SLC26A7: variants seen among roughly 807,000 people sequenced by gnomAD.
The protein encoded by SLC26A7 is anion exchange transporter.
Under a neutral mutation model 82.5 loss-of-function variants are expected in SLC26A7, and 59 were observed. That is an observed-to-expected ratio of 0.72 (90% CI 0.58 to 0.89). The LOEUF is 0.89. Among genes scored for constraint, SLC26A7 ranks in the 40% least tolerant of loss-of-function variants. SLC26A7 has a pLI of 0.00. For missense variants in SLC26A7, 820 were observed against 793.0 expected (o/e 1.03, Z -0.41); for synonymous variants, 271 against 274.3 (o/e 0.99, Z 0.12).
chr8:91,213,557 C>G (rs1266852607), intron 1 of SLC26A7, among the ~76,000 whole-genome samples: 2 of 152,090 alleles, frequency 1.3e-5, no homozygotes. Flanking sequence ...AGTAGGAGAC[C>G]TAGTCTGTTC....
At chr8:91,234,835 C>A (rs886164851) in intron 2 of SLC26A7, among the ~76,000 whole-genome samples, 80 of 144,080 alleles carry the variant, frequency 5.6e-4, no homozygotes, top group South Asian at 9.2e-4. Context: ...CTACTTCCTT[C>A]CTTCCTTCCT....
At chr8:91,308,009 A>T (rs1812370289) in intron 4 of SLC26A7, among the ~76,000 whole-genome samples, 2 of 152,036 alleles carry the variant, frequency 1.3e-5, no homozygotes, top group South Asian at 4.1e-4. Flanking sequence ...GTTAATTATT[A>T]CCTAATGTCC....
intron 2 of SLC26A7, among the ~76,000 whole-genome samples, chr8:91,272,066 G>T (rs1811288071): frequency 6.6e-6 from 1 of 152,198 alleles, no homozygotes; most frequent in Non-Finnish European, 1.5e-5. Context: ...CTGTTGGGTT[G>T]TTACTGGCCT....
intron 3 of SLC26A7, among the ~76,000 whole-genome samples, chr8:91,290,788 T>C (rs1458161137): frequency 6.6e-6 from 1 of 152,200 alleles, no homozygotes; most frequent in Non-Finnish European, 1.5e-5. Context: ...TTGATACACA[T>C]ATTTTCTGTT....
At chr8:91,229,165 C>G (rs1810279609) in intron 2 of SLC26A7, among the ~76,000 whole-genome samples, 1 of 152,170 alleles carries the variant, frequency 6.6e-6, no homozygotes, top group Admixed American at 6.5e-5. Context: ...GATCACTGTT[C>G]CCTCAGATGT....
At chr8:91,304,059 A>G (rs1314845323) in intron 4 of SLC26A7, among the ~76,000 whole-genome samples, 2 of 152,238 alleles carry the variant, frequency 1.3e-5, no homozygotes, top group Admixed American at 1.3e-4. Context: ...TTCCTTATGT[A>G]CAAAAATAAT....
At chr8:91,334,501 G>C in intron 6 of SLC26A7, 54 bp downstream of exon 6, 1 of 1,509,746 alleles carries the variant, frequency 6.6e-7, no homozygotes, top group Admixed American at 1.9e-5. Context: ...TCCAGTTCTT[G>C]GGGAGATCTG....
intron 2 of SLC26A7, among the ~76,000 whole-genome samples, chr8:91,230,359 C>T (rs1304707738): frequency 4.6e-5 from 7 of 152,136 alleles, no homozygotes. Flanking sequence ...CTTTTCTTAC[C>T]TCTTCTCTGG....
At chr8:91,247,198 T>C (rs1457780666), upstream of SLC26A7, among the ~76,000 whole-genome samples, 2 of 152,202 alleles carry the variant, frequency 1.3e-5, no homozygotes, top group African/African-American at 4.8e-5. Context: ...TTTCTGTTAA[T>C]CCATGTATGA....
At chr8:91,319,468 A>C (rs1812730679) in intron 5 of SLC26A7, among the ~76,000 whole-genome samples, 1 of 152,240 alleles carries the variant, frequency 6.6e-6, no homozygotes. Context: ...AATAAAAAGC[A>C]ATTAGCAACA....
chr8:91,300,185 T>C (rs1024898815), intron 4 of SLC26A7, among the ~76,000 whole-genome samples: 1 of 152,194 alleles, frequency 6.6e-6, no homozygotes, highest in Non-Finnish European at 1.5e-5. Context: ...ATTTTCCTCC[T>C]ACAGGTTTTG....
At chr8:91,246,891 G>C (rs1164382156), upstream of SLC26A7, among the ~76,000 whole-genome samples, 1 of 152,134 alleles carries the variant, frequency 6.6e-6, no homozygotes, top group Non-Finnish European at 1.5e-5. Flanking sequence ...ATTCTGCCTT[G>C]AGTTAGTTAT....
intron 15 of SLC26A7, among the ~76,000 whole-genome samples, chr8:91,376,559 G>A (rs559835099): frequency 9.9e-5 from 15 of 152,246 alleles, no homozygotes; most frequent in Admixed American, 6.5e-4. Context: ...GTGATATATC[G>A]AATGTAAGAG....
intron 4 of SLC26A7, among the ~76,000 whole-genome samples, chr8:91,312,641 CTG>C (rs56386837): frequency 0.17 from 25,514 of 149,446 alleles, 2,212 homozygotes; most frequent in East Asian, 0.33. Context: ...GTAGGTGTGT[CTG>C]TGTGTGTGTG....
intron 14 of SLC26A7, 66 bp from the exon 15 acceptor site, chr8:91,369,719 T>G: frequency 8.4e-7 from 1 of 1,197,590 alleles, no homozygotes; most frequent in Non-Finnish European, 1.2e-6. Context: ...AAGAATTATG[T>G]GATTTTTTTC....
chr8:91,297,083 T>C (rs1812036824), intron 4 of SLC26A7, among the ~76,000 whole-genome samples: 1 of 152,222 alleles, frequency 6.6e-6, no homozygotes, highest in African/African-American at 2.4e-5. Flanking sequence ...ATTGTGTCTG[T>C]TTTCTGTCCC....
chr8:91,379,035 A>G (rs1026576060), intron 15 of SLC26A7, among the ~76,000 whole-genome samples: 1 of 152,026 alleles, frequency 6.6e-6, no homozygotes, highest in Admixed American at 6.6e-5. Flanking sequence ...GAGAAAATAC[A>G]TAAAAGCTAC....
intron 4 of SLC26A7, among the ~76,000 whole-genome samples, chr8:91,317,411 A>G (rs1305671367): frequency 6.6e-6 from 1 of 152,228 alleles, no homozygotes; most frequent in Admixed American, 6.5e-5. Context: ...TGCCACATAT[A>G]CAAATAAGTC....
At position 91,334,410 on chromosome 8, in the gene SLC26A7, G is replaced by T; in HGVS notation, c.758G>T (p.Arg253Met). The T allele has an allele frequency of 1.2e-6, 2 of 1,612,928 alleles. No homozygotes were observed. Among genetic ancestry groups the T allele is most frequent in the Non-Finnish European group, 1.7e-6 (2 of 1,179,418 alleles). ...LVKELNEQFK[R>M]KIKVVLPVDL... The stretch of plus-strand genomic sequence containing the variant: ...AAAGAGCTGAATGAACAGTTTAAAA[G>T]GAAAATTAAAGTTGTTCTTCCTGTA... Residue 253 changes from arginine (R) to methionine (M), a missense_variant, in exon 6 of 19, where the codon AGG becomes ATG. Transcript: ENST00000276609.
Sources: gnomAD v4.1 joint callset for allele counts (sites outside exome capture counted in the v4.1 genomes callset) on GRCh38, gnomAD v4.1.1 for gene constraint, MANE v1.5 for transcripts, NCBI Gene and HGNC (gene_info 2026-07-23, HGNC 2026-07-21) for gene names.